Variants in MYO9A observed in about 807,000 individuals in gnomAD.
The protein encoded by MYO9A is unconventional myosin-IXa.
In MYO9A, 103 loss-of-function variants were observed where a neutral mutation model predicts 293.3. The observed-to-expected ratio is 0.35, with a 90% CI of 0.30 to 0.41. MYO9A has a LOEUF of 0.41. Ranked by LOEUF, MYO9A falls within the 10% of genes least tolerant of loss-of-function variation. MYO9A has a pLI of 1.00. For missense variants in MYO9A, 2,685 were observed against 3,033.0 expected (o/e 0.89, Z 2.69); for synonymous variants, 1,001 against 1,035.7 (o/e 0.97, Z 0.64).
Position 71,899,025 on chromosome 15 carries a change from C to A in MYO9A, c.3478G>T (p.Ala1160Ser). 1 of 1,593,680 alleles carries A rather than the reference C, an allele frequency of 6.3e-7. No homozygotes were observed. ...RGFRARQRFK[A>S]LKEQRLRETK... is the part of the protein sequence containing the mutation. ...TCTCTTAGCCTTTGTTCTTTTAAAG[C>A]TTTAAATCTATATAAAAACAGACAA... is the stretch of plus-strand genomic sequence containing the variant. The change falls in exon 25 of 42, where the codon GCT (alanine) becomes TCT (serine). Residue 1160 changes from alanine (A) to serine (S), a missense_variant. Around this residue, in one of 10 missense-constraint regions of MYO9A, gnomAD observed 1,434 missense variants for 1,497.7 expected, o/e 0.96. Coordinates refer to ENST00000356056, the MANE Select transcript of MYO9A (RefSeq NM_006901.4).
intron 31 of MYO9A, among the ~76,000 whole-genome samples, chr15:71,876,184 C>T (rs551319804): frequency 7.2e-5 from 10 of 139,710 alleles, no homozygotes; most frequent in African/African-American, 2.4e-4. Flanking sequence ...CTTGCTCTGT[C>T]GCCCAGGTTG....
At chr15:72,092,910 T>TACACACAC (rs59999448) in intron 1 of MYO9A, among the ~76,000 whole-genome samples, 158 of 141,996 alleles carry the variant, frequency 1.1e-3, no homozygotes, top group African/African-American at 2.0e-3. Flanking sequence ...CCACCTTACT[T>TACACACAC]ACACACACAC....
chr15:72,024,486 G>A (rs2077603201), intron 4 of MYO9A, among the ~76,000 whole-genome samples: 1 of 152,132 alleles, frequency 6.6e-6, no homozygotes, highest in African/African-American at 2.4e-5. Flanking sequence ...TGTCTAGGCT[G>A]GTCTCGAACT....
At chr15:71,959,724 G>C (rs1329248550) in intron 14 of MYO9A, 177 bp downstream of exon 14, 5 of 605,590 alleles carry the variant, frequency 8.3e-6, no homozygotes, top group Non-Finnish European at 1.4e-5. Context: ...TTACAGAAAA[G>C]AAAAACTGTT....
chr15:71,987,080 T>C (rs2076425629), intron 11 of MYO9A, among the ~76,000 whole-genome samples: 1 of 152,190 alleles, frequency 6.6e-6, no homozygotes, highest in African/African-American at 2.4e-5. Context: ...TACCATTGTG[T>C]TGCAGTTGCC....
chr15:72,001,472 T>C (rs1362584222), intron 8 of MYO9A, among the ~76,000 whole-genome samples: 1 of 144,394 alleles, frequency 6.9e-6, no homozygotes, highest in East Asian at 2.0e-4. Flanking sequence ...GAGAATCACT[T>C]GAAACCGGGA....
chr15:71,964,357 C>T (rs1273154081), intron 13 of MYO9A, among the ~76,000 whole-genome samples: 2 of 151,940 alleles, frequency 1.3e-5, no homozygotes, highest in Non-Finnish European at 2.9e-5. Context: ...CTTAGAGAAC[C>T]ACTTTTCAAT....
In MYO9A at chr15:71,898,165, T is replaced by A; in HGVS notation, c.4338A>T (p.Glu1446Asp). The A allele has an allele frequency of 1.9e-6, 3 of 1,614,198 alleles. No individual in the cohort carries two copies. The highest frequency in any genetic ancestry group is 2.5e-6 in the Non-Finnish European group (3 of 1,180,044). Reference protein sequence around the residue: ...DTSIQRNKLLENEDTAGEALT... With the variant: ...DTSIQRNKLLDNEDTAGEALT... ...GAGCTTCCCCCGCTGTGTCTTCATT[T>A]TCCAATAGTTTGTTTCTTTGGATAC... is the stretch of plus-strand genomic sequence containing the variant. Residue 1446 changes from glutamate (E) to aspartate (D), a missense_variant, in exon 25 of 42, where the codon GAA becomes GAT. Physicochemically the swap from Glu to Asp is conservative, Grantham distance 45. Around this residue, in one of 10 missense-constraint regions of MYO9A, gnomAD observed 1,434 missense variants for 1,497.7 expected, o/e 0.96. Coordinates refer to ENST00000356056, the MANE Select transcript of MYO9A (RefSeq NM_006901.4).
chr15:72,103,612 A>C (rs1044928507), intron 1 of MYO9A, among the ~76,000 whole-genome samples: 1 of 148,394 alleles, frequency 6.7e-6, no homozygotes, highest in African/African-American at 2.5e-5. Flanking sequence ...AAGCAGAAGA[A>C]GCAACAGAAG....
intron 15 of MYO9A, among the ~76,000 whole-genome samples, chr15:71,941,178 G>A (rs1320045047): frequency 6.6e-6 from 1 of 152,166 alleles, no homozygotes; most frequent in Non-Finnish European, 1.5e-5. Context: ...GCTCCCACCT[G>A]TAATCCTAGC....
At chr15:71,937,634 A>G (rs1318673438) in intron 16 of MYO9A, among the ~76,000 whole-genome samples, 1 of 152,158 alleles carries the variant, frequency 6.6e-6, no homozygotes, top group South Asian at 2.1e-4. Flanking sequence ...TGTTTTACTG[A>G]GAATTCGTTT....
At chr15:72,023,253 G>A (rs2077557746) in intron 4 of MYO9A, among the ~76,000 whole-genome samples, 1 of 152,162 alleles carries the variant, frequency 6.6e-6, no homozygotes, top group Non-Finnish European at 1.5e-5. Flanking sequence ...CAGGTCAATT[G>A]ACTCTCGTCT....
intron 19 of MYO9A, among the ~76,000 whole-genome samples, chr15:71,905,739 C>T (rs918072419): frequency 1.9e-5 from 2 of 104,536 alleles, no homozygotes; most frequent in African/African-American, 7.2e-5. Context: ...CTCCAGCCTG[C>T]GCAACAAAGT....
chr15:72,104,059 G>A (rs1173460193), intron 1 of MYO9A, among the ~76,000 whole-genome samples: 2 of 152,294 alleles, frequency 1.3e-5, no homozygotes, highest in Middle Eastern at 3.4e-3. Flanking sequence ...GTGCAAAATC[G>A]ATATGCATTC....
intron 15 of MYO9A, among the ~76,000 whole-genome samples, chr15:71,949,258 A>T (rs974504557): frequency 6.6e-6 from 1 of 152,000 alleles, no homozygotes; most frequent in Non-Finnish European, 1.5e-5. Context: ...GCTGGAGTGC[A>T]GTGGTGTGAT....
At chr15:72,051,285 GCCAGGA>G (rs923480539) in intron 1 of MYO9A, among the ~76,000 whole-genome samples, 2 of 152,186 alleles carry the variant, frequency 1.3e-5, no homozygotes, top group Non-Finnish European at 2.9e-5. Flanking sequence ...GGGAGGTGCA[GCCAGGA>G]CTGCGTGCTC....
chr15:71,959,919 T>C lies in MYO9A; in HGVS notation c.2164A>G (p.Asn722Asp), dbSNP rs776040163. ...TACTTACCAGTTTTTCTGTGAATGT[T>C]TCTTTTCCCAGCTTCCCTGAAAGCA... ...MVAFREAGKR[N>D]IHRKTGHDDT... is the part of the protein sequence containing the mutation. Residue 722 changes from asparagine to aspartate, a missense_variant, in exon 14 of 42, where the codon AAC (asparagine) becomes GAC (aspartate). This residue lies in a region of MYO9A where 1,434 missense variants were observed against 1,497.7 expected (regional missense o/e 0.96). Coordinates refer to ENST00000356056, the MANE Select transcript of MYO9A (RefSeq NM_006901.4). The C allele has an allele frequency of 1.9e-6, 3 of 1,613,702 alleles. No homozygotes were observed. The African/African-American group carries it at 4.0e-5, about 22-fold the overall frequency.
At chr15:71,827,626 C>T (rs1567173170) in intron 41 of MYO9A, among the ~76,000 whole-genome samples, 2 of 152,136 alleles carry the variant, frequency 1.3e-5, no homozygotes, top group Non-Finnish European at 2.9e-5. Flanking sequence ...AAAGACCTTC[C>T]GTGGAAGTCA....
At position 71,897,381 on chromosome 15, in the gene MYO9A, T is replaced by C. The variant is rs995713693; in HGVS notation, c.5042+80A>G. The C allele has an allele frequency of 4.3e-6, 6 of 1,404,172 alleles. No homozygotes were observed. In the African/African-American group the frequency reaches 7.2e-5, roughly 17 times the overall value. 87.0% of individuals were successfully genotyped at this position (1,404,172 alleles called of 1,614,324 possible). A position where few individuals can be genotyped will look rare whatever the true frequency, so the allele number is the denominator to read the frequency against. On this transcript the variant is annotated intron_variant, in intron 25 of 41. Transcript: ENST00000356056. ...AAGTTGAGCAGCCACTTTACACAAA[T>C]AGTTGGAGCAGAACAAGGCACCTTA...
Sources: gnomAD v4.1 joint callset for allele counts (sites outside exome capture counted in the v4.1 genomes callset) on GRCh38, gnomAD v4.1.1 for gene constraint, gnomAD v4.1.1 regional missense constraint, MANE v1.5 for transcripts, NCBI Gene and HGNC (gene_info 2026-07-23, HGNC 2026-07-21) for gene names.